SGCE: variants seen among roughly 807,000 people sequenced by gnomAD.
SGCE encodes the protein sarcoglycan epsilon.
Under a neutral mutation model 57.8 loss-of-function variants are expected in SGCE, and 26 were observed. That is an observed-to-expected ratio of 0.45 (90% confidence interval 0.33 to 0.62). The LOEUF is 0.62. SGCE is among the 20% of genes least tolerant of loss of function. The probability of loss-of-function intolerance (pLI) is 0.02; values close to 1 mark genes in which losing one functional copy is unlikely to be tolerated. For missense variants in SGCE, 468 were observed against 548.6 expected (o/e 0.85, Z 1.47); for synonymous variants, 183 against 189.5 (o/e 0.97, Z 0.28).
At chr7:94,615,365 AATAGATAG>A (rs3045711) in intron 5 of SGCE, among the ~76,000 whole-genome samples, 41,251 of 142,034 alleles carry the variant, frequency 0.29, 6,097 homozygotes, top group East Asian at 0.32. Flanking sequence ...TCTCAAAATA[AATAGATAG>A]ATAGATAGAT....
Position 94,628,378 on chromosome 7 carries a change from AT to A in SGCE, c.233-20del. 1 of 1,577,742 alleles carries A rather than the reference AT, an allele frequency of 6.3e-7. No homozygotes were observed. Among genetic ancestry groups the A allele is most frequent in the Non-Finnish European group, 8.7e-7 (1 of 1,148,838 alleles). On this transcript the variant is annotated intron_variant, in intron 2 of 10. Transcript: ENST00000648936. ...ATCTCGCCTAGATAAGAAACAGAGA[AT>A]TAAGACATAAGACAGTTATTTTCAC...
At chr7:94,608,489 C>T (rs925078508) in intron 5 of SGCE, among the ~76,000 whole-genome samples, 4 of 152,150 alleles carry the variant, frequency 2.6e-5, no homozygotes, top group Non-Finnish European at 5.9e-5. Flanking sequence ...GTCCATATGC[C>T]AGTTCTTCCC....
intron 2 of SGCE, chr7:94,629,515 C>T (rs1441857226): frequency 4.0e-6 from 2 of 500,428 alleles, no homozygotes; most frequent in Non-Finnish European, 7.2e-6. Context: ...CAGAAATATG[C>T]TTTCCTTAAC....
chr7:94,610,402 A>T (rs1800825652), intron 5 of SGCE, among the ~76,000 whole-genome samples: 1 of 152,184 alleles, frequency 6.6e-6, no homozygotes, highest in African/African-American at 2.4e-5. Context: ...TTTGTAACAA[A>T]TATACCACTC....
intron 1 of SGCE, among the ~76,000 whole-genome samples, chr7:94,637,420 A>G (rs1252943405): frequency 6.6e-6 from 1 of 152,232 alleles, no homozygotes; most frequent in Non-Finnish European, 1.5e-5. Context: ...AACTGAAGAA[A>G]TAAGAAAATG....
intron 1 of SGCE, among the ~76,000 whole-genome samples, chr7:94,631,451 G>A (rs1251294320): frequency 2.6e-5 from 4 of 151,770 alleles, no homozygotes; most frequent in African/African-American, 4.8e-5. Context: ...TTATCCCAGA[G>A]GTAAAACTGC....
intron 8 of SGCE, chr7:94,599,278 C>T (rs1156451106): frequency 3.4e-6 from 1 of 294,646 alleles, no homozygotes; most frequent in Non-Finnish European, 6.2e-6. Flanking sequence ...GATAAAACTA[C>T]CATAGCTTTT....
intron 1 of SGCE, among the ~76,000 whole-genome samples, chr7:94,631,245 G>A (rs944891929): frequency 6.6e-5 from 10 of 151,582 alleles, no homozygotes; most frequent in East Asian, 3.9e-4. Flanking sequence ...ATCCCATTCC[G>A]CGAAACAAGA....
chr7:94,607,978 A>G (rs1800413013), intron 5 of SGCE, among the ~76,000 whole-genome samples: 1 of 152,194 alleles, frequency 6.6e-6, no homozygotes, highest in South Asian at 2.1e-4. Flanking sequence ...GAGCTGATAG[A>G]GCTGATACTA....
intron 1 of SGCE, among the ~76,000 whole-genome samples, chr7:94,630,139 C>A (rs1480794619): frequency 6.6e-6 from 1 of 151,860 alleles, no homozygotes; most frequent in Non-Finnish European, 1.5e-5. Flanking sequence ...TCCATAATAT[C>A]TTTTTGGTAA....
intron 1 of SGCE, among the ~76,000 whole-genome samples, chr7:94,649,019 A>G (rs1807517606): frequency 1.3e-5 from 2 of 152,158 alleles, no homozygotes; most frequent in Non-Finnish European, 2.9e-5. Context: ...ACTCCTATAC[A>G]TTTTTTAAAT....
chr7:94,601,297 A>C (rs1799177562), intron 6 of SGCE, among the ~76,000 whole-genome samples: 1 of 151,880 alleles, frequency 6.6e-6, no homozygotes, highest in African/African-American at 2.4e-5. Flanking sequence ...GTTTAGCAAA[A>C]GAAAAAAGGA....
At chr7:94,654,343 T>A (rs1409106930) in intron 1 of SGCE, among the ~76,000 whole-genome samples, 2 of 152,226 alleles carry the variant, frequency 1.3e-5, no homozygotes, top group African/African-American at 2.4e-5. Context: ...TATACTGGTT[T>A]TAAATCTCAA....
intron 6 of SGCE, among the ~76,000 whole-genome samples, chr7:94,601,128 G>A (rs891118741): frequency 1.8e-4 from 27 of 152,068 alleles, no homozygotes; most frequent in African/African-American, 6.3e-4. Context: ...TAACGTGTGT[G>A]CCTATACGTG....
intron 3 of SGCE, 22 bp downstream of exon 3, chr7:94,628,180 G>A: frequency 1.3e-6 from 2 of 1,573,498 alleles, no homozygotes; most frequent in Non-Finnish European, 1.7e-6. Flanking sequence ...GTATAGTTTT[G>A]CTCTTTCTAG....
At chr7:94,646,364 G>T (rs1807072465) in intron 1 of SGCE, among the ~76,000 whole-genome samples, 1 of 152,194 alleles carries the variant, frequency 6.6e-6, no homozygotes. Context: ...ATAGTTAATG[G>T]AGAAGAGAAG....
intron 5 of SGCE, among the ~76,000 whole-genome samples, chr7:94,608,568 C>T (rs1055903587): frequency 2.6e-5 from 4 of 152,104 alleles, no homozygotes; most frequent in African/African-American, 4.8e-5. Flanking sequence ...TATTAACAAA[C>T]TTATTCTAAA....
chr7:94,595,600 T>C (rs943410217), intron 9 of SGCE, among the ~76,000 whole-genome samples: 6 of 152,126 alleles, frequency 3.9e-5, no homozygotes, highest in African/African-American at 1.2e-4. Context: ...AAATATAATA[T>C]CACATTTTAA....
At chr7:94,647,871 C>T in intron 1 of SGCE, among the ~76,000 whole-genome samples, 1 of 152,148 alleles carries the variant, frequency 6.6e-6, no homozygotes, top group Non-Finnish European at 1.5e-5. Context: ...CCTCTACTTA[C>T]AAGTTCTAGT....
Sources: allele counts gnomAD v4.1 joint callset (sites outside exome capture counted in the v4.1 genomes callset), GRCh38; gene constraint gnomAD v4.1.1; transcripts MANE v1.5; gene names NCBI Gene and HGNC (gene_info 2026-07-23, HGNC 2026-07-21).